TMEM154: variants seen among roughly 807,000 people sequenced by gnomAD.
The protein encoded by TMEM154 is transmembrane protein 154.
TMEM154 carries 27 observed loss-of-function variants against 24.5 expected under a neutral mutation model. The ratio of observed to expected loss-of-function variants is 1.10; its 90% CI spans 0.81 to 1.52. The LOEUF is 1.52. Among genes scored for constraint, TMEM154 ranks in the 40% most tolerant of loss-of-function variants. The pLI, the probability that TMEM154 is intolerant of heterozygous loss-of-function variation, is 0.00. For synonymous variants in TMEM154, 67 were observed against 76.8 expected (o/e 0.87, Z 0.67); for missense variants, 228 against 213.4 (o/e 1.07, Z -0.43).
At chr4:152,661,176 GT>G (rs1728592645) in intron 1 of TMEM154, among the ~76,000 whole-genome samples, 2 of 152,022 alleles carry the variant, frequency 1.3e-5, no homozygotes, top group Admixed American at 1.3e-4. Context: ...TCTCTGCAAT[GT>G]CCCCCTCCCA....
At chr4:152,658,014 T>C (rs1433489081) in intron 1 of TMEM154, among the ~76,000 whole-genome samples, 1 of 152,124 alleles carries the variant, frequency 6.6e-6, no homozygotes, top group Admixed American at 6.5e-5. Context: ...ACAATATTTA[T>C]CATCATGAAA....
rs529624833 is a variant in TMEM154, at chr4:152,640,991, A to T, written c.479-6T>A. The stretch of plus-strand genomic sequence containing the variant: ...AGGTAAACATTCAAAGTCGGCTAGG[A>T]CAGAATAAAAGCAAACTCATTGTTA... On this transcript the variant is annotated splice_polypyrimidine_tract_variant and splice_region_variant and intron_variant, in intron 5 of 6. Coordinates refer to ENST00000304385, the MANE Select transcript of TMEM154 (RefSeq NM_152680.3). The T allele has an allele frequency of 4.0e-5, 64 of 1,607,094 alleles. 1 individual carries two copies. The South Asian group carries it at 7.0e-4, about 18-fold the overall frequency.
intron 1 of TMEM154, among the ~76,000 whole-genome samples, chr4:152,653,596 G>A (rs1728434209): frequency 6.6e-6 from 1 of 151,326 alleles, no homozygotes; most frequent in Non-Finnish European, 1.5e-5. Flanking sequence ...CACCATGTTG[G>A]CCAGGCTGGT....
intron 1 of TMEM154, among the ~76,000 whole-genome samples, chr4:152,664,572 T>G (rs2149788528): frequency 6.6e-6 from 1 of 152,352 alleles, no homozygotes; most frequent in African/African-American, 2.4e-5. Context: ...GTTATAAAAC[T>G]GCAACCAAGC....
Position 152,621,547 on chromosome 4 carries a change from C to T in TMEM154, c.*6999G>A, listed in dbSNP as rs1751844087. The T allele has an allele frequency of 6.6e-6, 1 of 152,100 alleles. No homozygotes were observed. The highest frequency in any genetic ancestry group is 1.5e-5 in the Non-Finnish European group (1 of 68,022). 9.4% of individuals were successfully genotyped at this position (152,100 alleles called of 1,614,324 possible). On this transcript the variant is annotated 3_prime_UTR_variant, in exon 7 of 7. Transcript: ENST00000304385. Reference sequence around the variant, plus strand: ...TCAGTTTCTAGGGGTAGATTGATGCCATAATGGACCAGGTTTAACTTTAGT... The same window carrying T: ...TCAGTTTCTAGGGGTAGATTGATGCTATAATGGACCAGGTTTAACTTTAGT...
At chr4:152,648,455 A>G (rs1728309647) in intron 3 of TMEM154, among the ~76,000 whole-genome samples, 1 of 152,212 alleles carries the variant, frequency 6.6e-6, no homozygotes, top group Admixed American at 6.5e-5. Flanking sequence ...TGATTGTGCC[A>G]CCGCATTCCA....
chr4:152,633,594 G>A (rs984197022), intron 6 of TMEM154, among the ~76,000 whole-genome samples: 3 of 152,140 alleles, frequency 2.0e-5, no homozygotes, highest in African/African-American at 7.2e-5. Flanking sequence ...CAAACCTTTA[G>A]TTTGAAAGCA....
At chr4:152,646,086 G>T (rs780338428) in intron 3 of TMEM154, among the ~76,000 whole-genome samples, 14 of 151,848 alleles carry the variant, frequency 9.2e-5, no homozygotes, top group Non-Finnish European at 2.1e-4. Flanking sequence ...CAGGTGACCC[G>T]TAAAGCTCCT....
chr4:152,638,439 C>T (rs906896101), intron 6 of TMEM154, among the ~76,000 whole-genome samples: 1 of 152,178 alleles, frequency 6.6e-6, no homozygotes, highest in African/African-American at 2.4e-5. Context: ...CACCAGGGAA[C>T]ACAGGGACAA....
intron 3 of TMEM154, among the ~76,000 whole-genome samples, chr4:152,645,857 C>T (rs1423062675): frequency 1.3e-5 from 2 of 151,732 alleles, no homozygotes; most frequent in African/African-American, 4.8e-5. Flanking sequence ...AGGCTATGTC[C>T]TCCTGCCCTC....
At chr4:152,637,950 G>A (rs1234641813) in intron 6 of TMEM154, among the ~76,000 whole-genome samples, 1 of 152,178 alleles carries the variant, frequency 6.6e-6, no homozygotes, top group African/African-American at 2.4e-5. Flanking sequence ...ATTATAAGGT[G>A]TTACTATCCT....
At chr4:152,654,358 G>A (rs1327780872) in intron 1 of TMEM154, among the ~76,000 whole-genome samples, 1 of 152,200 alleles carries the variant, frequency 6.6e-6, no homozygotes, top group South Asian at 2.1e-4. Flanking sequence ...TGCGGTATAG[G>A]TTAGGCAATT....
rs771095343 is a variant in TMEM154 at position 152,620,299 on chromosome 4, A to G, written c.*8247T>C. The stretch of plus-strand genomic sequence containing the variant: ...TTTTTCACCTAGTGACCAAACCTTT[A>G]CCAGCACTTAGATTTTAAAACTAGG... On this transcript the variant is annotated 3_prime_UTR_variant, in exon 7 of 7. Transcript: ENST00000304385. The G allele has an allele frequency of 6.6e-6, 1 of 152,074 alleles. No homozygotes were observed. Among genetic ancestry groups the G allele is most frequent in the Non-Finnish European group, 1.5e-5 (1 of 68,026 alleles). The allele number at this position is 152,074 out of a possible 1,614,324, so 9.4% of individuals were successfully genotyped here.
chr4:152,652,373 T>C (rs1728402386), intron 3 of TMEM154, among the ~76,000 whole-genome samples, 165 bp downstream of exon 3: 1 of 152,156 alleles, frequency 6.6e-6, no homozygotes, highest in South Asian at 2.1e-4. Flanking sequence ...CTTTTTTTTT[T>C]TTTAAAGAAA....
chr4:152,647,138 A>G, intron 3 of TMEM154: 1 of 1,480,702 alleles, frequency 6.8e-7, no homozygotes, highest in African/African-American at 1.4e-5. Flanking sequence ...CCATTGTCAA[A>G]TTTAAAGACT....
At chr4:152,660,202 C>G in intron 1 of TMEM154, among the ~76,000 whole-genome samples, 1 of 49,880 alleles carries the variant, frequency 2.0e-5, no homozygotes, top group African/African-American at 5.5e-5. Flanking sequence ...TGGAGAACTA[C>G]TGCAGCCAGA....
intron 6 of TMEM154, among the ~76,000 whole-genome samples, chr4:152,630,569 T>C (rs1262722298): frequency 6.6e-6 from 1 of 152,156 alleles, no homozygotes; most frequent in South Asian, 2.1e-4. Context: ...TGTGACCTTA[T>C]CTTGAAATTT....
chr4:152,633,235 C>G (rs1191217587), intron 6 of TMEM154, among the ~76,000 whole-genome samples: 1 of 152,164 alleles, frequency 6.6e-6, no homozygotes, highest in African/African-American at 2.4e-5. Context: ...CTCTGTGGAC[C>G]GTGAGCAACG....
At chr4:152,675,419 C>T (rs774143450) in intron 1 of TMEM154, among the ~76,000 whole-genome samples, 7 of 151,916 alleles carry the variant, frequency 4.6e-5, no homozygotes, top group East Asian at 1.9e-4. Flanking sequence ...CCTGCGGTCG[C>T]GAGTTTGAGA....
Sources: gnomAD v4.1 joint callset for allele counts (sites outside exome capture counted in the v4.1 genomes callset) on GRCh38, gnomAD v4.1.1 for gene constraint, MANE v1.5 for transcripts, NCBI Gene and HGNC (gene_info 2026-07-23, HGNC 2026-07-21) for gene names.